Variants in CCDC77 observed in about 807,000 individuals in gnomAD.
CCDC77 encodes the protein coiled-coil domain containing 77.
Under a neutral mutation model 66.8 loss-of-function variants are expected in CCDC77, and 56 were observed. The ratio of observed to expected loss-of-function variants is 0.84; its 90% CI spans 0.68 to 1.05. The LOEUF (loss-of-function observed/expected upper bound fraction) is 1.05. Ranked by LOEUF, CCDC77 falls within the 50% of genes least tolerant of loss-of-function variation. The pLI, the probability that CCDC77 is intolerant of heterozygous loss-of-function variation, is 0.00. For synonymous variants in CCDC77, 196 were observed against 195.2 expected (o/e 1.00, Z -0.03); for missense variants, 570 against 576.8 (o/e 0.99, Z 0.12).
chr12:416,493 C>A (rs1169753584), intron 4 of CCDC77, among the ~76,000 whole-genome samples: 1 of 144,250 alleles, frequency 6.9e-6, no homozygotes, highest in Non-Finnish European at 1.5e-5. Context: ...CAGCTCCCTG[C>A]AACCTCCGCT....
chr12:399,438 G>A (rs1944869099), upstream of CCDC77, among the ~76,000 whole-genome samples: 1 of 152,140 alleles, frequency 6.6e-6, no homozygotes, highest in Non-Finnish European at 1.5e-5. Context: ...CCAAAGTGCT[G>A]GGATTACAGA....
intron 4 of CCDC77, among the ~76,000 whole-genome samples, chr12:413,263 G>T (rs947648297): frequency 6.8e-6 from 1 of 146,098 alleles, no homozygotes; most frequent in African/African-American, 2.6e-5. Flanking sequence ...TTGAGACAGC[G>T]TCTTACTCTG....
exon 1 of CCDC77, chr12:389,407 C>T (rs1406041931): frequency 5.7e-6 from 3 of 523,900 alleles, no homozygotes; most frequent in African/African-American, 3.8e-5. Context: ...CTTCTCTTCC[C>T]CGGCAGCACA....
intron 2 of CCDC77, among the ~76,000 whole-genome samples, 152 bp downstream of exon 2, chr12:405,716 A>G (rs1321945110): frequency 6.6e-6 from 1 of 152,124 alleles, no homozygotes; most frequent in Admixed American, 6.6e-5. Flanking sequence ...CAGCAGAAGA[A>G]AAGGATGTTT....
intron 2 of CCDC77, among the ~76,000 whole-genome samples, chr12:407,324 C>T (rs933651344): frequency 3.3e-5 from 5 of 152,168 alleles, no homozygotes; most frequent in Non-Finnish European, 7.3e-5. Context: ...TTGTCATAAA[C>T]AACTGGCAGC....
chr12:393,893 A>G (rs1022062204), intron 1 of CCDC77, among the ~76,000 whole-genome samples: 14 of 152,186 alleles, frequency 9.2e-5, no homozygotes, highest in African/African-American at 3.4e-4. Context: ...TGCATTGGTC[A>G]TTTAGAAAAT....
At chr12:409,464 T>G in intron 3 of CCDC77, 43 bp downstream of exon 3, 1 of 1,535,440 alleles carries the variant, frequency 6.5e-7, no homozygotes. Context: ...AAATCGAGAC[T>G]TGTATAGCCT....
intron 10 of CCDC77, 104 bp downstream of exon 10, chr12:438,658 G>A (rs918094832): frequency 9.8e-6 from 8 of 814,572 alleles, no homozygotes; most frequent in Non-Finnish European, 1.6e-5. Context: ...AGTCCAGGAA[G>A]CTCTGGTAGC....
At chr12:412,266 CTT>C (rs1238879598) in intron 4 of CCDC77, among the ~76,000 whole-genome samples, 1 of 152,194 alleles carries the variant, frequency 6.6e-6, no homozygotes, top group Non-Finnish European at 1.5e-5. Context: ...AGCTTCCTGA[CTT>C]TTCAGTTTTC....
intron 5 of CCDC77, among the ~76,000 whole-genome samples, chr12:423,477 G>GTTTTTTTTTTTT (rs1565572179): frequency 3.6e-4 from 9 of 24,986 alleles, no homozygotes; most frequent in Admixed American, 5.8e-4. Context: ...TGTGTTTTTT[G>GTTTTTTTTTTTT]TGTTTTTTTT....
intron 1 of CCDC77, among the ~76,000 whole-genome samples, chr12:392,270 C>G (rs930966003): frequency 7.2e-5 from 11 of 152,134 alleles, no homozygotes; most frequent in Admixed American, 2.0e-4. Context: ...TTTGGCTAGA[C>G]CGTGGTCCCT....
chr12:408,468 T>C (rs947189563), intron 2 of CCDC77, among the ~76,000 whole-genome samples: 2 of 152,186 alleles, frequency 1.3e-5, no homozygotes, highest in Non-Finnish European at 2.9e-5. Flanking sequence ...CATCAGTGGC[T>C]TTATATTCAT....
At chr12:422,416 C>G (rs191942109) in intron 5 of CCDC77, among the ~76,000 whole-genome samples, 2 of 152,212 alleles carry the variant, frequency 1.3e-5, no homozygotes, top group Non-Finnish European at 2.9e-5. Context: ...TATACTCATT[C>G]AACAGTAACT....
intron 5 of CCDC77, 63 bp from the exon 6 acceptor site, chr12:428,706 C>T (rs1182172310): frequency 9.2e-7 from 1 of 1,090,000 alleles, no homozygotes; most frequent in East Asian, 2.6e-5. Context: ...ATCCTTTAAA[C>T]AGAAAAAGGT....
rs747600621 is a variant in CCDC77 at position 441,844 on chromosome 12, C to T, written c.1391C>T (p.Ala464Val). The T allele has an allele frequency of 1.2e-6, 2 of 1,613,122 alleles. No homozygotes were observed. The highest frequency in any genetic ancestry group is 2.7e-5 in the African/African-American group (2 of 74,542). Residue 464 changes from alanine (A) to valine (V), a missense_variant, in exon 13 of 13, where the codon GCA becomes GTA. Physicochemically the swap from Ala to Val is moderately conservative, Grantham distance 64. Transcript: ENST00000239830. ...GAGGTCCGTGACAGCAATAGACGGG[C>T]ACATAAGATACAAGGAGAACTGAAG... The part of the protein sequence containing the change: ...LCEVRDSNRR[A>V]HKIQGELKNL...
intron 1 of CCDC77, among the ~76,000 whole-genome samples, chr12:403,339 G>A (rs1591958588): frequency 6.6e-6 from 1 of 151,974 alleles, no homozygotes; most frequent in Non-Finnish European, 1.5e-5. Context: ...ACTGTCCCTC[G>A]GCCTTATATC....
At chr12:414,427 A>G (rs1945181821) in intron 4 of CCDC77, among the ~76,000 whole-genome samples, 1 of 152,088 alleles carries the variant, frequency 6.6e-6, no homozygotes, top group African/African-American at 2.4e-5. Flanking sequence ...ATTTCTATCT[A>G]ACCTCTCTGA....
chr12:431,212 C>CTTTTTTTTTTTTTTTTT (rs61068771), intron 7 of CCDC77, among the ~76,000 whole-genome samples: 2 of 115,776 alleles, frequency 1.7e-5, no homozygotes, highest in African/African-American at 5.8e-5. Context: ...TTGCTCAGTT[C>CTTTTTTTTTTTTTTTTT]TTTTTTTTTT....
intron 1 of CCDC77, among the ~76,000 whole-genome samples, chr12:396,449 A>G (rs1173571679): frequency 2.0e-5 from 3 of 152,208 alleles, no homozygotes; most frequent in Non-Finnish European, 4.4e-5. Context: ...AAATTGTATT[A>G]GGTATTATAA....
Sources: allele counts gnomAD v4.1 joint callset (sites outside exome capture counted in the v4.1 genomes callset), GRCh38; gene constraint gnomAD v4.1.1; transcripts MANE v1.5; gene names NCBI Gene and HGNC (gene_info 2026-07-23, HGNC 2026-07-21).